Variants in VAT1L observed in about 807,000 individuals in gnomAD.
The protein encoded by VAT1L is vesicle amine transport 1 like.
In VAT1L, 34 loss-of-function variants were observed where a neutral mutation model predicts 44.1. The ratio of observed to expected loss-of-function variants is 0.77; its 90% confidence interval spans 0.59 to 1.03. The LOEUF is 1.03. Among genes scored for constraint, VAT1L ranks in the 50% least tolerant of loss-of-function variants. The pLI, the probability that VAT1L is intolerant of heterozygous loss-of-function variation, is 0.00. For synonymous variants in VAT1L, 253 were observed against 202.2 expected, an observed-to-expected ratio of 1.25 and a Z score of -2.13; for missense variants, 615 against 538.8, an observed-to-expected ratio of 1.14 and a Z score of -1.40.
intron 7 of VAT1L, chr16:77,892,778 G>C: frequency 1.3e-6 from 1 of 777,564 alleles, no homozygotes; most frequent in South Asian, 1.3e-5. Context: ...TGCCAAGACT[G>C]AGGGGTTGGA....
intron 3 of VAT1L, among the ~76,000 whole-genome samples, chr16:77,856,966 G>C (rs2016865358): frequency 6.6e-6 from 1 of 152,144 alleles, no homozygotes; most frequent in Non-Finnish European, 1.5e-5. Flanking sequence ...ATGAAAAGAA[G>C]ACACAAATAC....
At chr16:77,914,282 A>C (rs2017528344) in intron 7 of VAT1L, among the ~76,000 whole-genome samples, 1 of 152,236 alleles carries the variant, frequency 6.6e-6, no homozygotes, top group South Asian at 2.1e-4. Flanking sequence ...ACAACTTTTT[A>C]GTTATATTCT....
chr16:77,866,670 C>T (rs1446435004), intron 4 of VAT1L, among the ~76,000 whole-genome samples: 1 of 151,208 alleles, frequency 6.6e-6, no homozygotes, highest in Non-Finnish European at 1.5e-5. Flanking sequence ...GCCAGTCAAT[C>T]GGGAAGCCTC....
chr16:77,813,327 T>A (rs930215193), intron 1 of VAT1L, among the ~76,000 whole-genome samples: 4 of 152,212 alleles, frequency 2.6e-5, no homozygotes, highest in Admixed American at 6.5e-5. Context: ...GTCAACAATG[T>A]CTGTCCCAAT....
intron 7 of VAT1L, among the ~76,000 whole-genome samples, chr16:77,950,348 G>T (rs1186789346): frequency 6.6e-6 from 1 of 151,216 alleles, no homozygotes; most frequent in East Asian, 2.0e-4. Flanking sequence ...GGCAGAGGTT[G>T]CAGTGAGCTG....
At chr16:77,812,352 C>T (rs2016280499) in intron 1 of VAT1L, among the ~76,000 whole-genome samples, 1 of 152,122 alleles carries the variant, frequency 6.6e-6, no homozygotes, top group East Asian at 1.9e-4. Context: ...GGATTACAGG[C>T]GTGAGCCACC....
At chr16:77,925,755 T>G (rs1210171102) in intron 7 of VAT1L, among the ~76,000 whole-genome samples, 1 of 151,976 alleles carries the variant, frequency 6.6e-6, no homozygotes, top group East Asian at 1.9e-4. Flanking sequence ...TCCTGCAGAG[T>G]TGTTGCTGGG....
chr16:77,806,632 C>G (rs753068480), intron 1 of VAT1L, among the ~76,000 whole-genome samples: 2 of 152,222 alleles, frequency 1.3e-5, no homozygotes, highest in Non-Finnish European at 2.9e-5. Flanking sequence ...CGTGAGCCAC[C>G]GCGCCCAGGC....
At chr16:77,922,873 C>T (rs2017627099) in intron 7 of VAT1L, among the ~76,000 whole-genome samples, 1 of 152,162 alleles carries the variant, frequency 6.6e-6, no homozygotes, top group African/African-American at 2.4e-5. Context: ...TCAAAGTGTG[C>T]ACTGTGAACC....
At chr16:77,923,247 G>A (rs1046178208) in intron 7 of VAT1L, among the ~76,000 whole-genome samples, 2 of 152,162 alleles carry the variant, frequency 1.3e-5, no homozygotes, top group Non-Finnish European at 2.9e-5. Flanking sequence ...TCAGGAAATC[G>A]AGACCATCCT....
At chr16:77,914,683 T>C (rs1431516360) in intron 7 of VAT1L, among the ~76,000 whole-genome samples, 3 of 151,876 alleles carry the variant, frequency 2.0e-5, no homozygotes, top group East Asian at 3.9e-4. Flanking sequence ...TAACACCAAA[T>C]TGATTGGGTA....
chr16:77,866,956 G>C (rs944534183), intron 4 of VAT1L, among the ~76,000 whole-genome samples: 7 of 152,180 alleles, frequency 4.6e-5, no homozygotes, highest in Non-Finnish European at 1.0e-4. Context: ...GATTTCAGTA[G>C]GTGGAGGGGG....
chr16:77,850,692 A>G (rs1182122390), intron 3 of VAT1L, among the ~76,000 whole-genome samples: 1 of 152,152 alleles, frequency 6.6e-6, no homozygotes, highest in Non-Finnish European at 1.5e-5. Flanking sequence ...ATTTATCAAA[A>G]CCACAACTTC....
intron 8 of VAT1L, among the ~76,000 whole-genome samples, chr16:77,973,911 A>G (rs2008881): frequency 0.22 from 33,815 of 151,774 alleles, 4,253 homozygotes; most frequent in East Asian, 0.45. Flanking sequence ...TATTTTTAGT[A>G]CAGACTGGGT....
intron 3 of VAT1L, among the ~76,000 whole-genome samples, chr16:77,835,800 G>C (rs572485869): frequency 1.3e-5 from 2 of 152,186 alleles, no homozygotes; most frequent in African/African-American, 2.4e-5. Flanking sequence ...TTGAACCCCG[G>C]AGGCGGAGGT....
intron 4 of VAT1L, among the ~76,000 whole-genome samples, chr16:77,869,330 G>A (rs1028747881): frequency 1.3e-5 from 2 of 152,208 alleles, no homozygotes; most frequent in African/African-American, 4.8e-5. Flanking sequence ...AACTCCAGGG[G>A]CCTGCATAAC....
intron 7 of VAT1L, among the ~76,000 whole-genome samples, chr16:77,928,174 G>A (rs966882029): frequency 2.6e-5 from 4 of 152,152 alleles, no homozygotes; most frequent in Non-Finnish European, 5.9e-5. Context: ...CTTTTGTAAA[G>A]ATGAACCAGA....
chr16:77,890,531 G>GC (rs1179161273), intron 7 of VAT1L, among the ~76,000 whole-genome samples: 1 of 152,164 alleles, frequency 6.6e-6, no homozygotes, highest in Non-Finnish European at 1.5e-5. Flanking sequence ...CTTAGATACA[G>GC]CTGTGGTCTC....
At chr16:77,874,539 G>A (rs1039219163) in intron 4 of VAT1L, among the ~76,000 whole-genome samples, 3 of 151,878 alleles carry the variant, frequency 2.0e-5, no homozygotes, top group African/African-American at 7.3e-5. Context: ...CAACCACAGG[G>A]CCTTTGCACA....
Sources: gnomAD v4.1 joint callset for allele counts (sites outside exome capture counted in the v4.1 genomes callset) on GRCh38, gnomAD v4.1.1 for gene constraint, MANE v1.5 for transcripts, NCBI Gene and HGNC (gene_info 2026-07-23, HGNC 2026-07-21) for gene names.